BCAP29: variants seen among roughly 807,000 people sequenced by gnomAD.
BCAP29 encodes the protein B cell receptor associated protein 29.
Under a neutral mutation model 31.8 loss-of-function variants are expected in BCAP29, and 34 were observed. That is an observed-to-expected ratio of 1.07 (90% CI 0.81 to 1.42). The LOEUF (loss-of-function observed/expected upper bound fraction) is 1.42, where lower values mean the gene tolerates loss of function less well. Among genes scored for constraint, BCAP29 ranks in the 40% most tolerant of loss-of-function variants. BCAP29 has a pLI of 0.00. For missense variants in BCAP29, 314 were observed against 269.2 expected (o/e 1.17, Z -1.16); for synonymous variants, 104 against 91.3 (o/e 1.14, Z -0.79).
chr7:107,594,189 T>A, intron 4 of BCAP29, 84 bp downstream of exon 4: 2 of 253,546 alleles, frequency 7.9e-6, no homozygotes, highest in Non-Finnish European at 1.2e-5. Context: ...TTACTGTAGA[T>A]TTTTTTTTTT....
At chr7:107,592,663 G>A (rs1293759040) in intron 3 of BCAP29, among the ~76,000 whole-genome samples, 3 of 152,164 alleles carry the variant, frequency 2.0e-5, no homozygotes, top group South Asian at 2.1e-4. Flanking sequence ...CATAATAGCC[G>A]GAAGGTGGAA....
intron 3 of BCAP29, among the ~76,000 whole-genome samples, chr7:107,588,370 A>G (rs1808091157): frequency 6.6e-6 from 1 of 152,216 alleles, no homozygotes; most frequent in Non-Finnish European, 1.5e-5. Flanking sequence ...GCATGACTGA[A>G]TTGTTCACTT....
chr7:107,587,468 A>G (rs556390341), intron 3 of BCAP29: 2 of 152,348 alleles, frequency 1.3e-5, no homozygotes, highest in South Asian at 4.1e-4. Context: ...AGGAAGATGA[A>G]TCACGAAGCA....
downstream of BCAP29, chr7:107,622,744 T>C (rs1314044597): frequency 1.3e-5 from 2 of 152,240 alleles, no homozygotes; most frequent in Non-Finnish European, 2.9e-5. Context: ...GGAATGCTCC[T>C]AGTGGATAGA....
intron 6 of BCAP29, among the ~76,000 whole-genome samples, chr7:107,609,274 A>G (rs1812706417): frequency 6.6e-6 from 1 of 152,230 alleles, no homozygotes; most frequent in African/African-American, 2.4e-5. Flanking sequence ...CAGTAGGCCT[A>G]GAAGCCATCC....
chr7:107,594,033 A>C lies in BCAP29; in HGVS notation c.272A>C (p.Glu91Ala). Residue 91 changes from glutamate to alanine, a missense_variant, in exon 4 of 8, where the codon GAA (glutamate) becomes GCA (alanine). By Grantham distance (107) the Glu-to-Ala change is moderately radical. Coordinates refer to ENST00000005259, the MANE Select transcript of BCAP29 (RefSeq NM_018844.4). ...TCCACCAGCAGACCTGATGCCTATGAACACACACAGATGAAACTTTTTAGG... is the reference window on the plus strand; with the variant it reads ...TCCACCAGCAGACCTGATGCCTATGCACACACACAGATGAAACTTTTTAGG... ...KSSTSRPDAY[E>A]HTQMKLFRSQ... 6.2e-7 allele frequency: 1 copy of C among 1,613,920 alleles called. No homozygotes were observed. The highest frequency in any genetic ancestry group is 1.1e-5 in the South Asian group (1 of 91,072).
At chr7:107,598,950 C>A (rs978920288) in intron 5 of BCAP29, among the ~76,000 whole-genome samples, 4 of 144,424 alleles carry the variant, frequency 2.8e-5, no homozygotes, top group African/African-American at 1.0e-4. Flanking sequence ...CATATATGTG[C>A]ACACGTGTAT....
intron 6 of BCAP29, among the ~76,000 whole-genome samples, chr7:107,612,402 TATATATATATATATATATA>T (rs1813311694): frequency 7.1e-5 from 2 of 28,090 alleles, no homozygotes; most frequent in Admixed American, 4.7e-4. Context: ...TATATATATA[TATATATATATATATATATA>T]TATATATATA....
At chr7:107,598,162 C>T (rs771674984) in intron 5 of BCAP29, among the ~76,000 whole-genome samples, 1 of 152,066 alleles carries the variant, frequency 6.6e-6, no homozygotes, top group African/African-American at 2.4e-5. Flanking sequence ...AAGCAGTCAG[C>T]GAAAACGTTC....
chr7:107,609,410 G>A (rs35531458), intron 6 of BCAP29, among the ~76,000 whole-genome samples: 26,066 of 152,116 alleles, frequency 0.17, 2,800 homozygotes, highest in Non-Finnish European at 0.24. Flanking sequence ...GGGCAACTAC[G>A]TGAGAAATCC....
chr7:107,592,008 A>G, intron 3 of BCAP29, among the ~76,000 whole-genome samples: 1 of 152,078 alleles, frequency 6.6e-6, no homozygotes, highest in Middle Eastern at 3.2e-3. Flanking sequence ...GCTGGTCTCC[A>G]TCTCCTGGCC....
chr7:107,584,762 A>G (rs1254892119), intron 3 of BCAP29, among the ~76,000 whole-genome samples: 1 of 152,180 alleles, frequency 6.6e-6, no homozygotes, highest in Non-Finnish European at 1.5e-5. Flanking sequence ...AAATTTGAAT[A>G]TGGAGTGATT....
Position 107,619,326 on chromosome 7 carries a change from T to C in BCAP29, c.*963T>C, listed in dbSNP as rs894597342. ...CTATTTTTCCATTCAAATATTCATT[T>C]AGAATTTCCTTTAGAAGATGGCAGT... On this transcript the variant is annotated 3_prime_UTR_variant, in exon 8 of 8. Coordinates refer to ENST00000005259, the MANE Select transcript of BCAP29 (RefSeq NM_018844.4). The C allele has an allele frequency of 6.6e-6, 1 of 152,556 alleles. No homozygotes were observed. The highest frequency in any genetic ancestry group is 1.5e-5 in the Non-Finnish European group (1 of 67,970). The allele number at this position is 152,556 out of a possible 1,614,324, so 9.5% of individuals were successfully genotyped here.
chr7:107,595,013 T>C (rs1281302805), intron 4 of BCAP29, among the ~76,000 whole-genome samples: 1 of 152,204 alleles, frequency 6.6e-6, no homozygotes, highest in Admixed American at 6.5e-5. Context: ...TCATTCCATC[T>C]TGCAACAGAT....
At chr7:107,598,908 C>T (rs1221153379) in intron 5 of BCAP29, among the ~76,000 whole-genome samples, 2 of 55,268 alleles carry the variant, frequency 3.6e-5, no homozygotes, top group African/African-American at 8.8e-5. Flanking sequence ...CACACACACA[C>T]ACACACACAC....
chr7:107,621,202 T>C (rs1195363985), downstream of BCAP29: 1 of 158,496 alleles, frequency 6.3e-6, no homozygotes, highest in Non-Finnish European at 1.4e-5. Context: ...CACTATACAA[T>C]GTGTGAATAT....
chr7:107,599,146 TA>T (rs1023318375), intron 5 of BCAP29, among the ~76,000 whole-genome samples: 3 of 123,182 alleles, frequency 2.4e-5, no homozygotes, highest in African/African-American at 9.3e-5. Flanking sequence ...TATATGTATA[TA>T]AATATATATT....
At chr7:107,606,748 G>A (rs1812172501) in intron 6 of BCAP29, among the ~76,000 whole-genome samples, 1 of 152,166 alleles carries the variant, frequency 6.6e-6, no homozygotes, top group South Asian at 2.1e-4. Flanking sequence ...AAACTTTGCA[G>A]AAGAAATGAT....
At chr7:107,613,757 T>C in intron 7 of BCAP29, 1 of 1,604,162 alleles carries the variant, frequency 6.2e-7, no homozygotes. Flanking sequence ...TTGGGATGTT[T>C]GCCATATTCA....
Sources: allele counts gnomAD v4.1 joint callset (sites outside exome capture counted in the v4.1 genomes callset), GRCh38; gene constraint gnomAD v4.1.1; transcripts MANE v1.5; gene names NCBI Gene and HGNC (gene_info 2026-07-23, HGNC 2026-07-21).